The following GABRG2 variants were observed in gnomAD, a reference collection of about 807,000 sequenced individuals.
GABRG2 encodes the protein gamma-aminobutyric acid type A receptor subunit gamma2.
In GABRG2, 16 loss-of-function variants were observed where a neutral mutation model predicts 56.4. That is an observed-to-expected ratio of 0.28 (90% CI 0.19 to 0.43). The LOEUF (loss-of-function observed/expected upper bound fraction) is 0.43. GABRG2 is among the 20% of genes least tolerant of loss of function. The pLI is 1.00. For synonymous variants in GABRG2, 208 were observed against 205.5 expected (o/e 1.01, Z -0.10); for missense variants, 327 against 582.7 (o/e 0.56, Z 4.52).
chr5:162,068,919 C>G (rs974902077), intron 1 of GABRG2, among the ~76,000 whole-genome samples: 1 of 151,986 alleles, frequency 6.6e-6, no homozygotes, highest in African/African-American at 2.4e-5. Context: ...GGGGAATATA[C>G]GTCTGGAAAA....
Position 162,093,536 on chromosome 5 carries a change from G to C in GABRG2, c.108-292G>C, listed in dbSNP as rs115763027. 5.0e-3 allele frequency among the ~76,000 whole-genome samples: 758 copies of C among 152,176 alleles called. 9 individuals carry two copies. The highest frequency in any genetic ancestry group is 0.017 in the African/African-American group (695 of 41,536). The stretch of plus-strand genomic sequence containing the variant: ...AATAGTTTTCTTATAATTCCTTCAG[G>C]AGACTGGGAAGTAGGCAGAAAGAAC... On this transcript the variant is annotated intron_variant, in intron 1 of 9. Transcript: ENST00000639213.
At chr5:162,116,814 A>G (rs967225291) in intron 6 of GABRG2, among the ~76,000 whole-genome samples, 8 of 150,582 alleles carry the variant, frequency 5.3e-5, no homozygotes, top group African/African-American at 2.0e-4. Flanking sequence ...TTAATTCTGC[A>G]ATATGGGACC....
intron 6 of GABRG2, among the ~76,000 whole-genome samples, chr5:162,111,020 T>C (rs1365873002): frequency 6.6e-6 from 1 of 152,114 alleles, no homozygotes; most frequent in African/African-American, 2.4e-5. Context: ...GATTAGATGC[T>C]TCTCTAAAGT....
intron 8 of GABRG2, chr5:162,151,128 A>G (rs1765341525): frequency 6.5e-6 from 1 of 153,072 alleles, no homozygotes; most frequent in South Asian, 2.1e-4. Context: ...GCCATTGCAG[A>G]GTAGATTTTG....
chr5:162,130,044 C>T (rs1763622826), intron 6 of GABRG2, among the ~76,000 whole-genome samples: 1 of 151,822 alleles, frequency 6.6e-6, no homozygotes, highest in Non-Finnish European at 1.5e-5. Flanking sequence ...CAGAAAGTTT[C>T]CTTTTTCAGA....
chr5:162,121,077 C>T (rs142285862), intron 6 of GABRG2, among the ~76,000 whole-genome samples: 183 of 152,190 alleles, frequency 1.2e-3, no homozygotes, highest in African/African-American at 3.7e-3. Context: ...AGAAGCTCTA[C>T]GCTTTTTACT....
intron 7 of GABRG2, among the ~76,000 whole-genome samples, chr5:162,145,925 A>G (rs2113616997): frequency 6.6e-6 from 1 of 152,370 alleles, no homozygotes; most frequent in African/African-American, 2.4e-5. Context: ...ACAACCTAAT[A>G]AAATGATTTT....
intron 6 of GABRG2, among the ~76,000 whole-genome samples, chr5:162,110,778 C>T (rs1473021480): frequency 2.0e-5 from 3 of 152,138 alleles, no homozygotes; most frequent in African/African-American, 7.2e-5. Context: ...TTAGTCAATA[C>T]TAAATTTTTC....
chr5:162,068,684 C>G (rs905777262), intron 1 of GABRG2, among the ~76,000 whole-genome samples: 2 of 152,100 alleles, frequency 1.3e-5, no homozygotes, highest in African/African-American at 4.8e-5. Context: ...GGTTCAGCAC[C>G]AGGGACAGCA....
chr5:162,093,228 A>C (rs1760741313), intron 1 of GABRG2, among the ~76,000 whole-genome samples: 2 of 152,154 alleles, frequency 1.3e-5, no homozygotes, highest in Admixed American at 1.3e-4. Context: ...GGTTCTTAAC[A>C]ACCAAAGATA....
At chr5:162,152,244 C>G (rs1242360472) in intron 9 of GABRG2, 1 of 183,180 alleles carries the variant, frequency 5.5e-6, no homozygotes, top group African/African-American at 2.4e-5. Flanking sequence ...AATATCCATT[C>G]CTTATTTCCA....
chr5:162,144,618 A>C (rs1278622716), intron 7 of GABRG2, among the ~76,000 whole-genome samples: 1 of 152,138 alleles, frequency 6.6e-6, no homozygotes, highest in East Asian at 1.9e-4. Context: ...TATTATCACA[A>C]TTTTTAGAGC....
chr5:162,143,315 G>A (rs1764720723), intron 7 of GABRG2, among the ~76,000 whole-genome samples: 1 of 152,028 alleles, frequency 6.6e-6, no homozygotes, highest in South Asian at 2.1e-4. Flanking sequence ...GAACAGCGAT[G>A]GAAAAAATTA....
chr5:162,086,568 C>T (rs773211836), intron 1 of GABRG2, among the ~76,000 whole-genome samples: 1 of 151,816 alleles, frequency 6.6e-6, no homozygotes. Context: ...TGCCAATGTC[C>T]CAGAAAACGT....
intron 9 of GABRG2, 57 bp downstream of exon 9, chr5:162,151,810 A>G: frequency 3.5e-6 from 5 of 1,411,496 alleles, no homozygotes; most frequent in Admixed American, 1.7e-5. Context: ...TTAACTATTA[A>G]TGCTTACATG....
chr5:162,091,712 G>T (rs984413010), intron 1 of GABRG2, among the ~76,000 whole-genome samples: 4 of 151,986 alleles, frequency 2.6e-5, no homozygotes, highest in Admixed American at 1.3e-4. Flanking sequence ...TTCTAAAAAA[G>T]TATCCCTTAT....
intron 6 of GABRG2, among the ~76,000 whole-genome samples, chr5:162,104,639 A>C (rs934537372): frequency 1.3e-5 from 2 of 152,208 alleles, no homozygotes; most frequent in Admixed American, 6.5e-5. Context: ...TGTATGCAAA[A>C]TATAAATGAA....
intron 5 of GABRG2, chr5:162,102,339 C>T (rs997612907): frequency 2.7e-6 from 1 of 367,356 alleles, no homozygotes; most frequent in African/African-American, 2.1e-5. Flanking sequence ...TTTTAATACT[C>T]CAATTGGGAC....
At chr5:162,145,524 C>T (rs1047884718) in intron 7 of GABRG2, among the ~76,000 whole-genome samples, 10 of 152,198 alleles carry the variant, frequency 6.6e-5, no homozygotes, top group African/African-American at 2.2e-4. Context: ...CCTACTCTGC[C>T]TCTCACTATT....
Sources: gnomAD v4.1 joint callset for allele counts (sites outside exome capture counted in the v4.1 genomes callset) on GRCh38, gnomAD v4.1.1 for gene constraint, MANE v1.5 for transcripts, NCBI Gene and HGNC (gene_info 2026-07-23, HGNC 2026-07-21) for gene names.